AGO1: variants seen among roughly 807,000 people sequenced by gnomAD.
AGO1 encodes protein argonaute-1.
A neutral mutation model predicts 109.2 loss-of-function variants in AGO1; 11 were observed. The observed-to-expected ratio is 0.10, with a 90% CI of 0.06 to 0.17. The LOEUF is 0.17. Ranked by LOEUF, AGO1 falls within the 10% of genes least tolerant of loss-of-function variation. The pLI, the probability that AGO1 is intolerant of heterozygous loss-of-function variation, is 1.00. For synonymous variants in AGO1, 422 were observed against 418.6 expected (o/e 1.01, Z -0.10); for missense variants, 574 against 1,140.3 (o/e 0.50, Z 7.15).
At chr1:35,900,285 A>G (rs909106801) in intron 8 of AGO1, among the ~76,000 whole-genome samples, 1 of 152,254 alleles carries the variant, frequency 6.6e-6, no homozygotes, top group African/African-American at 2.4e-5. Context: ...TGAGTTGTTC[A>G]GTATTCAGAA....
chr1:35,920,314 G>A lies in AGO1; in HGVS notation c.*707G>A, dbSNP rs1042485212. On this transcript the variant is annotated 3_prime_UTR_variant, in exon 19 of 19. Coordinates refer to ENST00000373204, the MANE Select transcript of AGO1 (RefSeq NM_012199.5). Reference sequence around the variant, plus strand: ...CATCCAGCCCCTAGTAATACTTAAGGCACTATGGCACTTAGCTTTGAAGTG... The same window carrying A: ...CATCCAGCCCCTAGTAATACTTAAGACACTATGGCACTTAGCTTTGAAGTG... The A allele has an allele frequency of 6.6e-6, 1 of 152,264 alleles. No individual in the cohort carries two copies. Among genetic ancestry groups the A allele is most frequent in the Admixed American group, 6.6e-5 (1 of 15,224 alleles). The allele number at this position is 152,264 out of a possible 1,614,324, so 9.4% of individuals were successfully genotyped here. A position where few individuals can be genotyped will look rare whatever the true frequency, so the allele number is the denominator to read the frequency against.
chr1:35,871,752 G>C (rs1254830505), intron 1 of AGO1, among the ~76,000 whole-genome samples: 3 of 151,254 alleles, frequency 2.0e-5, no homozygotes, highest in Admixed American at 6.6e-5. Context: ...TGAAAGAGCT[G>C]TAAATGACTT....
intron 12 of AGO1, among the ~76,000 whole-genome samples, chr1:35,911,859 G>T (rs921223962): frequency 1.3e-5 from 2 of 152,044 alleles, no homozygotes; most frequent in East Asian, 3.9e-4. Context: ...ATTTCACTTT[G>T]TTGACCACTT....
Position 35,915,595 on chromosome 1 carries a change from G to A in AGO1, c.2028+53G>A, listed in dbSNP as rs540692162. The A allele has an allele frequency of 3.1e-5, 48 of 1,532,100 alleles. No homozygotes were observed. The African/African-American group carries it at 5.6e-4, about 18-fold the overall frequency. The allele number at this position is 1,532,100 out of a possible 1,614,324, so 94.9% of individuals were successfully genotyped here. On this transcript the variant is annotated intron_variant, in intron 15 of 18. Coordinates refer to ENST00000373204, the MANE Select transcript of AGO1 (RefSeq NM_012199.5). The stretch of plus-strand genomic sequence containing the variant: ...CTTCACATCATGGCTGGAAAGCTAG[G>A]TGCTACTACCTTTTCTAAGCTATTG...
chr1:35,888,747 G>T lies in AGO1; in HGVS notation c.209+137G>T. The T allele has an allele frequency of 1.1e-6, 1 of 935,700 alleles. No homozygotes were observed. The highest frequency in any genetic ancestry group is 1.6e-6 in the Non-Finnish European group (1 of 641,342). The allele number at this position is 935,700 out of a possible 1,614,324, so 58.0% of individuals were successfully genotyped here. On this transcript the variant is annotated intron_variant, in intron 2 of 18. Coordinates refer to ENST00000373204, the MANE Select transcript of AGO1 (RefSeq NM_012199.5). The surrounding 1 kb of genome is among the most constrained non-coding windows in gnomAD (Gnocchi z 4.1). ...TTTTTGAACGGGAGATGCCACGTCG[G>T]GTAAATGCTGAAAAATAGTCCAATT... is the stretch of plus-strand genomic sequence containing the variant.
In AGO1 at chr1:35,921,848, G is replaced by GT. The variant is rs1203738330; in HGVS notation, c.*2241_*2242insT. ...AAGAACAGAATGGAGGGCTCTGGGA[G>GT]GAGGCAGCTCACTGGAGAGCCTACA... is the stretch of plus-strand genomic sequence containing the variant. On this transcript the variant is annotated 3_prime_UTR_variant, in exon 19 of 19. Transcript: ENST00000373204. 6.5e-6 allele frequency: 1 copy of GT among 152,846 alleles called. No individual in the cohort carries two copies. Among genetic ancestry groups the GT allele is most frequent in the Non-Finnish European group, 1.5e-5 (1 of 68,074 alleles). The allele number at this position is 152,846 out of a possible 1,614,324, so 9.5% of individuals were successfully genotyped here.
chr1:35,904,138 G>A (rs60486996), intron 11 of AGO1, among the ~76,000 whole-genome samples: 1 of 131,496 alleles, frequency 7.6e-6, no homozygotes, highest in African/African-American at 3.0e-5. Context: ...TTGAGGCGGA[G>A]TCTCTCTCTG....
At position 35,883,975 on chromosome 1, in the gene AGO1, C is replaced by G. The variant is rs1645075923; in HGVS notation, c.25+529C>G. Among the ~76,000 whole-genome samples, 1 of 152,216 alleles carries G rather than the reference C, an allele frequency of 6.6e-6. No individual in the cohort carries two copies. The highest frequency in any genetic ancestry group is 1.5e-5 in the Non-Finnish European group (1 of 68,018). On this transcript the variant is annotated intron_variant, in intron 1 of 18. Transcript: ENST00000373204. This position sits in a 1 kb window ranked among gnomAD's most constrained non-coding sequence, Gnocchi z 5.4. The stretch of plus-strand genomic sequence containing the variant: ...GGGGACCCAGTCCCGGGATTACCCC[C>G]CGTGGGTCTGGGGAGTCGGAGCGGA...
In AGO1 at chr1:35,919,351, ATT is replaced by A. The variant is rs1209954342; in HGVS notation, c.2465+99_2465+100del. 7 of 1,484,046 alleles carry A rather than the reference ATT, an allele frequency of 4.7e-6. No homozygotes were observed. Among genetic ancestry groups the A allele is most frequent in the Non-Finnish European group, 4.6e-6 (5 of 1,090,640 alleles). The allele number at this position is 1,484,046 out of a possible 1,614,324, so 91.9% of individuals were successfully genotyped here. On this transcript the variant is annotated intron_variant, in intron 18 of 18. Coordinates refer to ENST00000373204, the MANE Select transcript of AGO1 (RefSeq NM_012199.5). The surrounding 1 kb of genome is among the most constrained non-coding windows in gnomAD (Gnocchi z 6.6). ...GGTAGAAGGAAATGAGTGCTGTCCA[ATT>A]TGGTGTCATTGGGCTCGTCTGCCCA...
Position 35,902,356 on chromosome 1 carries a change from A to AG in AGO1, c.1397+23dup, listed in dbSNP as rs1485827758. 1.9e-6 allele frequency: 3 copies of AG among 1,610,228 alleles called. No individual in the cohort carries two copies. In the African/African-American group the frequency reaches 4.0e-5, roughly 22 times the overall value. On this transcript the variant is annotated intron_variant, in intron 11 of 18. Coordinates refer to ENST00000373204, the MANE Select transcript of AGO1 (RefSeq NM_012199.5). The stretch of plus-strand genomic sequence containing the variant: ...TGCTCAAGTAAGGAGGGTTCGCTGT[A>AG]GGGGTGGAAGGGTGGGAAGGACCCT...
chr1:35,879,734 C>CAAA (rs71034705), upstream of AGO1, among the ~76,000 whole-genome samples: 1,706 of 57,436 alleles, frequency 0.03, 506 homozygotes, highest in East Asian at 0.31. Context: ...GGTTCTGTCT[C>CAAA]AAAAAAAAAA....
rs972205965 is a variant in AGO1 at position 35,926,776 on chromosome 1, G to T, written c.*7169G>T. The T allele has an allele frequency of 7.9e-5, 12 of 152,108 alleles. No homozygotes were observed. Among genetic ancestry groups the T allele is most frequent in the Non-Finnish European group, 1.6e-4 (11 of 68,038 alleles). 9.4% of individuals were successfully genotyped at this position (152,108 alleles called of 1,614,324 possible). ...GAGCTGGAAAAGTGGATTTGCTGGGGAATTAGATGCATTTAGTTTTCCACT... is the reference window on the plus strand; with the variant it reads ...GAGCTGGAAAAGTGGATTTGCTGGGTAATTAGATGCATTTAGTTTTCCACT... On this transcript the variant is annotated 3_prime_UTR_variant, in exon 19 of 19. Coordinates refer to ENST00000373204, the MANE Select transcript of AGO1 (RefSeq NM_012199.5).
chr1:35,898,289 C>T (rs1571353935), intron 8 of AGO1, among the ~76,000 whole-genome samples: 1 of 150,804 alleles, frequency 6.6e-6, no homozygotes, highest in South Asian at 2.1e-4. Context: ...CGGAGTATCG[C>T]TCTGTTACCC....
At chr1:35,869,820 C>T (rs971111345) in exon 1 of AGO1, 4 of 152,100 alleles carry the variant, frequency 2.6e-5, no homozygotes, top group African/African-American at 9.7e-5. Flanking sequence ...AGGCAAGCGC[C>T]TCAGGAGTGC....
chr1:35,907,151 A>G lies in AGO1; in HGVS notation c.1582+32A>G, dbSNP rs777187440. The G allele has an allele frequency of 2.5e-5, 39 of 1,581,718 alleles. No individual in the cohort carries two copies. In the South Asian group the frequency reaches 4.3e-4, roughly 17 times the overall value. On this transcript the variant is annotated intron_variant, in intron 12 of 18. Coordinates refer to ENST00000373204, the MANE Select transcript of AGO1 (RefSeq NM_012199.5). ...TTCTCTTGGGACAGTGATAATGGTG[A>G]TAGGACTCTTCTCAGCGTAGTTCCC... is the stretch of plus-strand genomic sequence containing the variant.
chr1:35,881,045 G>A (rs980587018), upstream of AGO1, among the ~76,000 whole-genome samples: 11 of 152,306 alleles, frequency 7.2e-5, no homozygotes, highest in African/African-American at 2.6e-4. Context: ...TTTTACAGAG[G>A]AGGAAATTGA....
chr1:35,894,055 A>G lies in AGO1; in HGVS notation c.668A>G (p.Tyr223Cys), dbSNP rs1281040808. Residue 223 changes from tyrosine to cysteine, a missense_variant, in exon 6 of 19, where the codon TAT (tyrosine) becomes TGT (cysteine). Coordinates refer to ENST00000373204, the MANE Select transcript of AGO1 (RefSeq NM_012199.5). ...LNIDVSATAFYKAQPVIEFMC... is the reference protein window; with the variant it reads ...LNIDVSATAFCKAQPVIEFMC... ...CCCACAGTCTCAGCCACTGCCTTTT[A>G]TAAGGCACAGCCAGTGATTGAGTTC... 3 of 1,560,072 alleles carry G rather than the reference A, an allele frequency of 1.9e-6. No homozygotes were observed. The highest frequency in any genetic ancestry group is 2.6e-6 in the Non-Finnish European group (3 of 1,155,842).
rs987536748 is a variant in AGO1, at chr1:35,923,293, T to C, written c.*3686T>C. The C allele has an allele frequency of 2.0e-5, 3 of 152,188 alleles. No homozygotes were observed. Among genetic ancestry groups the C allele is most frequent in the Admixed American group, 6.5e-5 (1 of 15,276 alleles). 9.4% of individuals were successfully genotyped at this position (152,188 alleles called of 1,614,324 possible). A position where few individuals can be genotyped will look rare whatever the true frequency, so the allele number is the denominator to read the frequency against. On this transcript the variant is annotated 3_prime_UTR_variant, in exon 19 of 19. Transcript: ENST00000373204. ...GCAGTGTTTTTGGATACTTTTTTTTTCTGTTTGTGAATAAGGCCAGCACTC... is the reference window on the plus strand; with the variant it reads ...GCAGTGTTTTTGGATACTTTTTTTTCCTGTTTGTGAATAAGGCCAGCACTC...
At chr1:35,878,321 A>G (rs966123599), upstream of AGO1, among the ~76,000 whole-genome samples, 2 of 151,818 alleles carry the variant, frequency 1.3e-5, no homozygotes, top group African/African-American at 4.8e-5. Flanking sequence ...TCCTGATCTC[A>G]TGATCCTCCC....
Sources: allele counts gnomAD v4.1 joint callset (sites outside exome capture counted in the v4.1 genomes callset), GRCh38; gene constraint gnomAD v4.1.1; non-coding constraint Gnocchi (gnomAD v3.1); transcripts MANE v1.5; gene names NCBI Gene and HGNC (gene_info 2026-07-23, HGNC 2026-07-21).